Variants in ABCD3 observed in about 807,000 individuals in gnomAD.
ABCD3 encodes the protein ATP-binding cassette sub-family D member 3.
A neutral mutation model predicts 105.5 loss-of-function variants in ABCD3; 41 were observed. That is an observed-to-expected ratio of 0.39 (90% CI 0.30 to 0.50). The LOEUF is 0.50. ABCD3 is among the 20% of genes least tolerant of loss of function. The pLI is 0.84. For missense variants in ABCD3, 622 were observed against 806.3 expected (o/e 0.77, Z 2.77); for synonymous variants, 258 against 269.0 (o/e 0.96, Z 0.40).
chr1:94,416,515 ATTATGTGAGGT>A (rs1305563837), upstream of ABCD3, among the ~76,000 whole-genome samples: 1 of 152,126 alleles, frequency 6.6e-6, no homozygotes, highest in East Asian at 1.9e-4. Flanking sequence ...AATTACGTAA[ATTATGTGAGGT>A]CGTTGGGGCT....
chr1:94,410,310 T>C, the ABCD3 span, among the ~76,000 whole-genome samples: 4 of 152,218 alleles, frequency 2.6e-5, no homozygotes, highest in Non-Finnish European at 5.9e-5. Context: ...ATTATTATTA[T>C]GGTATGTAGA....
chr1:94,441,392 C>T (rs1304707362), intron 1 of ABCD3, among the ~76,000 whole-genome samples: 1 of 152,202 alleles, frequency 6.6e-6, no homozygotes, highest in Admixed American at 6.5e-5. Flanking sequence ...CTGGAACTCT[C>T]TTAAAATCCT....
the ABCD3 span, among the ~76,000 whole-genome samples, chr1:94,410,837 C>CT: frequency 1.3e-5 from 2 of 152,172 alleles, no homozygotes; most frequent in Non-Finnish European, 2.9e-5. Context: ...GTGGAAAAGC[C>CT]TGAGAAGATT....
rs778243121 is a variant in ABCD3, at chr1:94,464,807, C to T, written c.180C>T (p.Asp60=). 81 of 1,613,258 alleles carry T rather than the reference C, an allele frequency of 5.0e-5. No individual in the cohort carries two copies. Among genetic ancestry groups the T allele is most frequent in the Non-Finnish European group, 6.7e-5 (79 of 1,179,874 alleles). The change falls in exon 3 of 23, where the codon GAC becomes GAT. Residue 60 remains aspartate, a synonymous_variant. Transcript: ENST00000370214. ...KEGKKERAVV[D]KVFFSRLIQI... ...GGAAAAAGGAGCGAGCTGTGGTGGA[C>T]AAGGTGTTTTTCTCAAGGCTCATAC...
chr1:94,416,412 AT>A (rs746046456), upstream of ABCD3, among the ~76,000 whole-genome samples: 1 of 151,906 alleles, frequency 6.6e-6, no homozygotes, highest in Non-Finnish European at 1.5e-5. Context: ...TTTATACTTG[AT>A]TTTTTTTACA....
intron 1 of ABCD3, among the ~76,000 whole-genome samples, chr1:94,427,656 C>T (rs1265754516): frequency 3.3e-5 from 5 of 152,088 alleles, no homozygotes; most frequent in Non-Finnish European, 7.4e-5. Context: ...TAAAATTTTA[C>T]GGGAAATGGT....
At chr1:94,483,892 C>G (rs200442605) in intron 10 of ABCD3, among the ~76,000 whole-genome samples, 1 of 152,120 alleles carries the variant, frequency 6.6e-6, no homozygotes, top group Non-Finnish European at 1.5e-5. Context: ...GCAATCTACC[C>G]ATCTGACAAA....
chr1:94,489,670 A>G (rs1649437394), intron 13 of ABCD3, 55 bp from the exon 14 acceptor site: 3 of 1,235,864 alleles, frequency 2.4e-6, no homozygotes, highest in African/African-American at 1.5e-5. Flanking sequence ...TATAAAATAA[A>G]AGATGTGACA....
chr1:94,494,978 G>A (rs760428844), intron 16 of ABCD3, among the ~76,000 whole-genome samples: 8 of 152,242 alleles, frequency 5.3e-5, no homozygotes, highest in African/African-American at 1.2e-4. Flanking sequence ...TTACGCAGGC[G>A]GCTGAGGTGG....
chr1:94,464,282 A>G (rs1361371255), intron 2 of ABCD3, among the ~76,000 whole-genome samples: 1 of 152,168 alleles, frequency 6.6e-6, no homozygotes, highest in Non-Finnish European at 1.5e-5. Flanking sequence ...TAGGAATCCA[A>G]AAGTTTCCTC....
chr1:94,397,600 A>G, the ABCD3 span, among the ~76,000 whole-genome samples: 240 of 152,322 alleles, frequency 1.6e-3, 1 homozygote, highest in Non-Finnish European at 9.1e-4. Flanking sequence ...TGATATCAAC[A>G]TGTGCTCATC....
chr1:94,483,343 G>A lies in ABCD3; in HGVS notation c.897+104G>A, dbSNP rs946139702. 13 of 813,552 alleles carry A rather than the reference G, an allele frequency of 1.6e-5. 1 individual carries two copies. Among genetic ancestry groups the A allele is most frequent in the South Asian group, 7.2e-5 (5 of 69,026 alleles). 50.4% of individuals were successfully genotyped at this position (813,552 alleles called of 1,614,324 possible). ...CATACACACACACACAAACACACAC[G>A]TATGTATACATATCTTAAAGATTTT... On this transcript the variant is annotated intron_variant, in intron 10 of 22. Transcript: ENST00000370214.
At chr1:94,469,491 GTTT>G (rs3072753) in intron 4 of ABCD3, among the ~76,000 whole-genome samples, 52,492 of 137,146 alleles carry the variant, frequency 0.38, 10,779 homozygotes, top group Middle Eastern at 0.55. Flanking sequence ...GTGCACATTA[GTTT>G]TTTTTTTTTT....
rs563724145 is a variant in ABCD3 at position 94,468,399 on chromosome 1, C to T, written c.335+392C>T. ...AAAATTTCAAAGCATTTCAAAGAATCACGTTGAGCATGTTTATTAGAAGGG... is the reference window on the plus strand; with the variant it reads ...AAAATTTCAAAGCATTTCAAAGAATTACGTTGAGCATGTTTATTAGAAGGG... On this transcript the variant is annotated intron_variant, in intron 4 of 22. Transcript: ENST00000370214. Among the ~76,000 whole-genome samples, 6 of 152,278 alleles carry T rather than the reference C, an allele frequency of 3.9e-5. No individual in the cohort carries two copies. In the East Asian group the frequency reaches 9.7e-4, roughly 24 times the overall value.
chr1:94,488,255 G>C (rs1394957730), intron 13 of ABCD3, among the ~76,000 whole-genome samples: 2 of 152,046 alleles, frequency 1.3e-5, no homozygotes, highest in Non-Finnish European at 2.9e-5. Flanking sequence ...AATCATGGCA[G>C]TCTTAATTCA....
intron 20 of ABCD3, among the ~76,000 whole-genome samples, chr1:94,501,345 A>G (rs1349993519): frequency 6.6e-6 from 1 of 151,990 alleles, no homozygotes; most frequent in East Asian, 1.9e-4. Flanking sequence ...ACACCACTGC[A>G]TATATAACTG....
chr1:94,483,503 T>C (rs1365037303), intron 10 of ABCD3, among the ~76,000 whole-genome samples: 15 of 152,212 alleles, frequency 9.9e-5, no homozygotes, highest in Admixed American at 9.8e-4. Flanking sequence ...AAGTGTACCA[T>C]CTGATCTTTG....
chr1:94,489,939 G>T lies in ABCD3; in HGVS notation c.1286G>T (p.Gly429Val), dbSNP rs1418180886. 1.2e-6 allele frequency: 2 copies of T among 1,613,074 alleles called. No individual in the cohort carries two copies. Among genetic ancestry groups the T allele is most frequent in the East Asian group, 4.5e-5 (2 of 44,794 alleles). Residue 429 changes from glycine to valine, a missense_variant, in exon 15 of 23, where the codon GGT becomes GTT. This residue lies in a region of ABCD3 where 285 missense variants were observed against 352.5 expected (regional missense o/e 0.81). Coordinates refer to ENST00000370214, the MANE Select transcript of ABCD3 (RefSeq NM_002858.4). ...EGVQVIPLIP[G>V]AGEIIIADNI... ...GTACAAGTCATTCCCTTGATACCTG[G>T]TGCTGGAGAAATCATTATTGCAGAT...
rs139226772 is a variant in ABCD3 at position 94,455,116 on chromosome 1, G to A, written c.111-3491G>A. Among the ~76,000 whole-genome samples the A allele has an allele frequency of 9.1e-4, 139 of 152,268 alleles. 5 individuals are homozygous for A. In the East Asian group the frequency reaches 0.025, roughly 28 times the overall value. ...CTAAGTGATCATCTAGAGCCCACAT[G>A]TATGATAAATCTGCTGTATTGGAAC... On this transcript the variant is annotated intron_variant, in intron 1 of 22. Transcript: ENST00000370214.
Sources: gnomAD v4.1 joint callset for allele counts (sites outside exome capture counted in the v4.1 genomes callset) on GRCh38, gnomAD v4.1.1 for gene constraint, gnomAD v4.1.1 regional missense constraint, MANE v1.5 for transcripts, NCBI Gene and HGNC (gene_info 2026-07-23, HGNC 2026-07-21) for gene names.